Variants in PDLIM5 observed in about 807,000 individuals in gnomAD.
PDLIM5 encodes the protein PDZ and LIM domain protein 5.
PDLIM5 carries 34 observed loss-of-function variants against 64.2 expected under a neutral mutation model. The observed-to-expected ratio is 0.53, with a 90% CI of 0.40 to 0.71. PDLIM5 has a LOEUF of 0.71. Ranked by LOEUF, PDLIM5 falls within the 30% of genes least tolerant of loss-of-function variation. PDLIM5 has a pLI of 0.00. For synonymous variants in PDLIM5, 253 were observed against 269.1 expected (o/e 0.94, Z 0.59); for missense variants, 683 against 733.6 (o/e 0.93, Z 0.80).
intron 9 of PDLIM5, among the ~76,000 whole-genome samples, chr4:94,644,589 G>A (rs923841290): frequency 2.7e-4 from 40 of 150,510 alleles, no homozygotes; most frequent in Admixed American, 2.5e-3. Flanking sequence ...GCAGTGGTGC[G>A]ATCTCGGCTC....
In PDLIM5 at chr4:94,640,263, T is replaced by C. The variant is rs759216237; in HGVS notation, c.1109-13T>C. 7.9e-6 allele frequency: 12 copies of C among 1,519,182 alleles called. No homozygotes were observed. The South Asian group carries it at 1.3e-4, about 16-fold the overall frequency. The allele number at this position is 1,519,182 out of a possible 1,614,324, so 94.1% of individuals were successfully genotyped here. A position where few individuals can be genotyped will look rare whatever the true frequency, so the allele number is the denominator to read the frequency against. ...GCTTATTCTCATTCTGATTCTTCTG[T>C]TTTAACTCCTAGTACCTTCCACTGG... On this transcript the variant is annotated splice_polypyrimidine_tract_variant and intron_variant, in intron 8 of 12. Coordinates refer to ENST00000317968, the MANE Select transcript of PDLIM5 (RefSeq NM_006457.5).
intron 7 of PDLIM5, chr4:94,610,248 T>C: frequency 1.3e-6 from 2 of 1,520,854 alleles, no homozygotes; most frequent in Non-Finnish European, 1.8e-6. Flanking sequence ...GATATAGTGC[T>C]GCAGTTCTGA....
intron 3 of PDLIM5, among the ~76,000 whole-genome samples, chr4:94,570,757 A>G (rs570540146): frequency 1.6e-3 from 248 of 152,294 alleles, no homozygotes; most frequent in Non-Finnish European, 3.0e-3. Flanking sequence ...GATGTACCCT[A>G]GTGTTTATGG....
intron 10 of PDLIM5, among the ~76,000 whole-genome samples, chr4:94,656,418 A>G (rs188509471): frequency 2.0e-5 from 3 of 152,128 alleles, no homozygotes; most frequent in Admixed American, 6.5e-5. Context: ...ATGTTTAACC[A>G]TTGGGCCATT....
intron 2 of PDLIM5, among the ~76,000 whole-genome samples, chr4:94,508,193 G>T (rs528814417): frequency 3.2e-4 from 49 of 152,250 alleles, no homozygotes; most frequent in African/African-American, 1.1e-3. Flanking sequence ...ATTTCTGTAG[G>T]GGAAGTAAAA....
intron 2 of PDLIM5, among the ~76,000 whole-genome samples, chr4:94,477,021 G>T (rs1009512825): frequency 8.5e-5 from 13 of 152,194 alleles, no homozygotes; most frequent in African/African-American, 3.1e-4. Context: ...AATATTTTAA[G>T]ATAGAGATTT....
At chr4:94,478,888 G>GTTT (rs1725572226) in intron 2 of PDLIM5, among the ~76,000 whole-genome samples, 2 of 108,508 alleles carry the variant, frequency 1.8e-5, no homozygotes, top group African/African-American at 5.1e-5. Context: ...GGTGTGCTTG[G>GTTT]TGTTTTTTTT....
At chr4:94,640,045 C>A (rs957601569) in intron 8 of PDLIM5, among the ~76,000 whole-genome samples, 1 of 151,788 alleles carries the variant, frequency 6.6e-6, no homozygotes, top group African/African-American at 2.4e-5. Flanking sequence ...AAAAAAAATT[C>A]TATGCATACG....
At chr4:94,582,694 TG>T in intron 5 of PDLIM5, 1 of 1,554,340 alleles carries the variant, frequency 6.4e-7, no homozygotes, top group Non-Finnish European at 8.9e-7. Context: ...CATCTTTTTT[TG>T]TGTGTGTTAT....
intron 2 of PDLIM5, among the ~76,000 whole-genome samples, chr4:94,482,117 C>T (rs1560645293): frequency 2.7e-5 from 4 of 145,664 alleles, no homozygotes; most frequent in African/African-American, 5.0e-5. Context: ...TTTTACCTCC[C>T]TTTTTTTTTT....
intron 2 of PDLIM5, among the ~76,000 whole-genome samples, chr4:94,523,340 C>T (rs1206484850): frequency 6.6e-6 from 1 of 152,132 alleles, no homozygotes; most frequent in African/African-American, 2.4e-5. Context: ...AAAATTATTT[C>T]TAAAAGAGTA....
rs1743098914 is a variant in PDLIM5, at chr4:94,666,742, TATTC to T, written c.*2678_*2681del. 6.6e-6 allele frequency: 1 copy of T among 152,252 alleles called. No individual in the cohort carries two copies. The highest frequency in any genetic ancestry group is 1.5e-5 in the Non-Finnish European group (1 of 68,044). The allele number at this position is 152,252 out of a possible 1,614,324, so 9.4% of individuals were successfully genotyped here. A position where few individuals can be genotyped will look rare whatever the true frequency, so the allele number is the denominator to read the frequency against. ...TTCATCAGACCTTCTTTCTACATAT[TATTC>T]ATGAAGCATAATGTTGCATTTCTCC... On this transcript the variant is annotated 3_prime_UTR_variant, in exon 13 of 13. Transcript: ENST00000317968.
At chr4:94,615,522 A>G (rs1738708467) in intron 7 of PDLIM5, among the ~76,000 whole-genome samples, 1 of 152,174 alleles carries the variant, frequency 6.6e-6, no homozygotes. Context: ...ATCTGGAAAA[A>G]AAAGGTAGAA....
chr4:94,667,535 AAAT>A lies in PDLIM5; in HGVS notation c.*3470_*3472del, dbSNP rs1324378029. 3 of 152,194 alleles carry A rather than the reference AAAT, an allele frequency of 2.0e-5. No individual in the cohort carries two copies. Among genetic ancestry groups the A allele is most frequent in the Admixed American group, 6.5e-5 (1 of 15,272 alleles). The allele number at this position is 152,194 out of a possible 1,614,324, so 9.4% of individuals were successfully genotyped here. A position where few individuals can be genotyped will look rare whatever the true frequency, so the allele number is the denominator to read the frequency against. On this transcript the variant is annotated 3_prime_UTR_variant, in exon 13 of 13. Transcript: ENST00000317968. ...GGTAGGATGTGCATAGGTTATATGC[AAAT>A]ACTACACCATTTTCTATAAGGGACT...
intron 7 of PDLIM5, chr4:94,608,115 C>T: frequency 6.5e-7 from 1 of 1,531,648 alleles, no homozygotes; most frequent in African/African-American, 1.4e-5. Context: ...CCTGCAACTC[C>T]TCAGGTGTTA....
Position 94,600,564 on chromosome 4 carries a change from A to G in PDLIM5, c.920+14120A>G, listed in dbSNP as rs552151384. 2.6e-5 allele frequency among the ~76,000 whole-genome samples: 4 copies of G among 152,328 alleles called. No homozygotes were observed. In the East Asian group the frequency reaches 7.7e-4, roughly 29 times the overall value. On this transcript the variant is annotated intron_variant, in intron 7 of 12. Transcript: ENST00000317968. ...AATCTGAAAAATACCTTTATTGTTT[A>G]TAAATTCTTTTTCTAATATTAGGAT...
intron 7 of PDLIM5, among the ~76,000 whole-genome samples, chr4:94,592,514 G>A (rs914439457): frequency 6.6e-6 from 1 of 152,190 alleles, no homozygotes; most frequent in Admixed American, 6.5e-5. Flanking sequence ...TAAATATCTT[G>A]TAATGCACTG....
intron 4 of PDLIM5, 165 bp downstream of exon 4, chr4:94,573,558 C>G (rs965821021): frequency 1.8e-5 from 13 of 716,630 alleles, no homozygotes; most frequent in Admixed American, 1.5e-4. Flanking sequence ...AAATGGAGAT[C>G]AGCACATACC....
At chr4:94,612,492 A>T (rs61628216) in intron 7 of PDLIM5, among the ~76,000 whole-genome samples, 9,709 of 152,236 alleles carry the variant, frequency 0.064, 1,069 homozygotes, top group African/African-American at 0.22. Flanking sequence ...CCACACTTTT[A>T]GGACCCGGTA....
Sources: gnomAD v4.1 joint callset for allele counts (sites outside exome capture counted in the v4.1 genomes callset) on GRCh38, gnomAD v4.1.1 for gene constraint, MANE v1.5 for transcripts, NCBI Gene and HGNC (gene_info 2026-07-23, HGNC 2026-07-21) for gene names.